GBF1: variants seen among roughly 807,000 people sequenced by gnomAD.
GBF1 encodes the protein golgi brefeldin A resistant guanine nucleotide exchange factor 1.
A neutral mutation model predicts 210.5 loss-of-function variants in GBF1; 114 were observed. That is an observed-to-expected ratio of 0.54 (90% confidence interval 0.47 to 0.63). GBF1 has a LOEUF of 0.63. Among genes scored for constraint, GBF1 ranks in the 30% least tolerant of loss-of-function variants. GBF1 has a pLI of 0.00. For synonymous variants in GBF1, 850 were observed against 889.2 expected, an observed-to-expected ratio of 0.96 and a Z score of 0.78; for missense variants, 1,851 against 2,357.7, an observed-to-expected ratio of 0.79 and a Z score of 4.45.
At chr10:102,325,234 T>C (rs1005096532) in intron 3 of GBF1, among the ~76,000 whole-genome samples, 4 of 152,154 alleles carry the variant, frequency 2.6e-5, no homozygotes, top group African/African-American at 7.2e-5. Context: ...CTCATTAAGC[T>C]AAAGGACAAG....
At chr10:102,380,724 C>T (rs936861120) in intron 38 of GBF1, 38 bp downstream of exon 38, 1 of 1,526,712 alleles carries the variant, frequency 6.6e-7, no homozygotes, top group African/African-American at 1.4e-5. Flanking sequence ...AAAGAGTCTC[C>T]TGCCTGGGCA....
chr10:102,352,509 T>G lies in GBF1; in HGVS notation c.575T>G (p.Leu192Arg). The G allele has an allele frequency of 1.2e-6, 2 of 1,609,908 alleles. No homozygotes were observed. The highest frequency in any genetic ancestry group is 1.7e-6 in the Non-Finnish European group (2 of 1,176,196). ...ACTCTCGTAGACATGGTGCAGCTGCTCTTCACAAGGTAAACCTGCTGCTGT... is the reference window on the plus strand; with the variant it reads ...ACTCTCGTAGACATGGTGCAGCTGCGCTTCACAAGGTAAACCTGCTGCTGT... ...EHTLVDMVQLLFTRLPQFKEE... is the reference protein window; with the variant it reads ...EHTLVDMVQLRFTRLPQFKEE... The change falls in exon 7 of 40, where the codon CTC (leucine) becomes CGC (arginine). Residue 192 changes from leucine to arginine, a missense_variant. Leu to Arg is a moderately radical substitution (Grantham distance 102). Coordinates refer to ENST00000369983, the MANE Select transcript of GBF1 (RefSeq NM_001377137.1).
the GBF1 span, among the ~76,000 whole-genome samples, chr10:102,239,642 G>C: frequency 6.6e-6 from 1 of 152,230 alleles, no homozygotes; most frequent in African/African-American, 2.4e-5. Context: ...TGAAGGGTAA[G>C]AAAGGTTGAA....
chr10:102,366,582 C>CTAT lies in GBF1; in HGVS notation c.2433+77_2433+78insATT. The CTAT allele has an allele frequency of 1.2e-6, 1 of 847,738 alleles. No individual in the cohort carries two copies. The highest frequency in any genetic ancestry group is 1.7e-6 in the Non-Finnish European group (1 of 577,916). 52.5% of individuals were successfully genotyped at this position (847,738 alleles called of 1,614,324 possible). ...GAGGGCTGAAGAATCCAGCTGCTGT[C>CTAT]TCTTTTTTTTTTTTTTTTTTTTGAG... On this transcript the variant is annotated intron_variant, in intron 19 of 39. Coordinates refer to ENST00000369983, the MANE Select transcript of GBF1 (RefSeq NM_001377137.1). This position sits in a 1 kb window ranked among gnomAD's most constrained non-coding sequence, Gnocchi z 4.0.
At chr10:102,262,279 C>A (rs1246694838) in intron 3 of GBF1, among the ~76,000 whole-genome samples, 1 of 151,942 alleles carries the variant, frequency 6.6e-6, no homozygotes, top group Non-Finnish European at 1.5e-5. Context: ...GTGGCATGTT[C>A]TTATTTTATG....
chr10:102,317,626 A>C (rs1234916667), intron 3 of GBF1, among the ~76,000 whole-genome samples: 1 of 152,316 alleles, frequency 6.6e-6, no homozygotes, highest in African/African-American at 2.4e-5. Context: ...CTTTAAAAAA[A>C]TAAAAAAGTT....
At chr10:102,356,221 G>A (rs1009329313) in intron 8 of GBF1, among the ~76,000 whole-genome samples, 4 of 152,130 alleles carry the variant, frequency 2.6e-5, no homozygotes, top group African/African-American at 9.7e-5. Flanking sequence ...GAGGAAGGGA[G>A]TCAATCCCTC....
chr10:102,331,351 C>T (rs2057319986), intron 3 of GBF1, among the ~76,000 whole-genome samples: 1 of 152,052 alleles, frequency 6.6e-6, no homozygotes, highest in South Asian at 2.1e-4. Context: ...TTATCAGTGG[C>T]AGTTTTGGAG....
intron 1 of GBF1, among the ~76,000 whole-genome samples, chr10:102,248,270 C>A (rs1407122117): frequency 6.6e-6 from 1 of 150,926 alleles, no homozygotes; most frequent in Non-Finnish European, 1.5e-5. Context: ...TGCTGTTTAG[C>A]TGTTACTCTT....
intron 3 of GBF1, among the ~76,000 whole-genome samples, chr10:102,281,349 C>G (rs955937337): frequency 6.6e-6 from 1 of 152,140 alleles, no homozygotes; most frequent in Non-Finnish European, 1.5e-5. Context: ...CTTAACTCTT[C>G]AAGTGATCTC....
At chr10:102,285,881 A>T (rs2075891421) in intron 3 of GBF1, among the ~76,000 whole-genome samples, 1 of 151,968 alleles carries the variant, frequency 6.6e-6, no homozygotes, top group Non-Finnish European at 1.5e-5. Context: ...TTTAGAAAAA[A>T]ATTATTTTGC....
rs1589771422 is a variant in GBF1 at position 102,360,500 on chromosome 10, T to C, written c.1392+105T>C. On this transcript the variant is annotated intron_variant, in intron 12 of 39. Coordinates refer to ENST00000369983, the MANE Select transcript of GBF1 (RefSeq NM_001377137.1). Reference sequence around the variant, plus strand: ...AGAGTATAGGACCTAGGAAAGCATCTCCCTCCCAGTTGGCTAGTAGTTTTA... The same window carrying C: ...AGAGTATAGGACCTAGGAAAGCATCCCCCTCCCAGTTGGCTAGTAGTTTTA... 20 of 741,348 alleles carry C rather than the reference T, an allele frequency of 2.7e-5. No individual in the cohort carries two copies. In the East Asian group the frequency reaches 4.9e-4, roughly 18 times the overall value. 45.9% of individuals were successfully genotyped at this position (741,348 alleles called of 1,614,324 possible).
At position 102,366,298 on chromosome 10, in the gene GBF1, A is replaced by G. The variant is rs750838985; in HGVS notation, c.2310-85A>G. ...CCTCAGCCTCCTCTCTTCCAGTAAG[A>G]GTAGGTTAGGAGGACAGTGACTAAA... On this transcript the variant is annotated intron_variant, in intron 18 of 39. Transcript: ENST00000369983. The surrounding 1 kb of genome is among the most constrained non-coding windows in gnomAD (Gnocchi z 4.0). 1.4e-6 allele frequency: 2 copies of G among 1,441,532 alleles called. No homozygotes were observed. The highest frequency in any genetic ancestry group is 1.7e-5 in the Admixed American group (1 of 57,244). The allele number at this position is 1,441,532 out of a possible 1,614,324, so 89.3% of individuals were successfully genotyped here.
intron 38 of GBF1, 53 bp from the exon 39 acceptor site, chr10:102,381,074 G>T: frequency 6.3e-7 from 1 of 1,578,854 alleles, no homozygotes; most frequent in South Asian, 1.1e-5. Context: ...CTAGGGCTCT[G>T]CTGGAGAGAG....
At chr10:102,250,603 C>G (rs2071392997) in intron 1 of GBF1, among the ~76,000 whole-genome samples, 1 of 151,226 alleles carries the variant, frequency 6.6e-6, no homozygotes, top group Admixed American at 6.6e-5. Flanking sequence ...CCTGCTTTGG[C>G]CTCCTAAAGT....
At position 102,245,770 on chromosome 10, in the gene GBF1, A is replaced by T. The variant is rs1367136381; in HGVS notation, c.-22A>T. The stretch of plus-strand genomic sequence containing the variant: ...CTGGGACTAGGCCCCGCCATTTTGG[A>T]TCCGCTGACAGGTCAGCGAAGTCTC... On this transcript the variant is annotated 5_prime_UTR_variant, in exon 1 of 40. Coordinates refer to ENST00000369983, the MANE Select transcript of GBF1 (RefSeq NM_001377137.1). 1 of 152,174 alleles carries T rather than the reference A, an allele frequency of 6.6e-6. No individual in the cohort carries two copies. The highest frequency in any genetic ancestry group is 1.5e-5 in the Non-Finnish European group (1 of 68,056). 9.4% of individuals were successfully genotyped at this position (152,174 alleles called of 1,614,324 possible). A position where few individuals can be genotyped will look rare whatever the true frequency, so the allele number is the denominator to read the frequency against.
rs191037511 is a variant in GBF1 at position 102,341,119 on chromosome 10, C to A, written c.164-2932C>A. Among the ~76,000 whole-genome samples the A allele has an allele frequency of 1.7e-3, 264 of 152,160 alleles. 1 individual carries two copies. Among genetic ancestry groups the A allele is most frequent in the African/African-American group, 6.0e-3 (249 of 41,508 alleles). On this transcript the variant is annotated intron_variant, in intron 3 of 39. Transcript: ENST00000369983. ...GTCTCCAAACTCAATAGTAAGAAAA[C>A]AATTTAGTTTAATAATGGATAAAAG... is the stretch of plus-strand genomic sequence containing the variant.
chr10:102,233,462 C>A, the GBF1 span, among the ~76,000 whole-genome samples: 1 of 151,880 alleles, frequency 6.6e-6, no homozygotes, highest in Non-Finnish European at 1.5e-5. Flanking sequence ...TGCCCCCACG[C>A]CTGGCTAATT....
intron 7 of GBF1, among the ~76,000 whole-genome samples, 197 bp downstream of exon 7, chr10:102,352,715 G>A (rs1254529282): frequency 1.3e-5 from 2 of 152,128 alleles, no homozygotes; most frequent in African/African-American, 2.4e-5. Flanking sequence ...GGCCTCACGG[G>A]GAGGCAGAGG....
Sources: gnomAD v4.1 joint callset for allele counts (sites outside exome capture counted in the v4.1 genomes callset) on GRCh38, gnomAD v4.1.1 for gene constraint, Gnocchi (gnomAD v3.1) non-coding constraint, MANE v1.5 for transcripts, NCBI Gene and HGNC (gene_info 2026-07-23, HGNC 2026-07-21) for gene names.